CLHC1: variants seen among roughly 807,000 people sequenced by gnomAD.
The protein encoded by CLHC1 is clathrin heavy chain linker domain-containing protein 1.
CLHC1 carries 72 observed loss-of-function variants against 69.5 expected under a neutral mutation model. The ratio of observed to expected loss-of-function variants is 1.04; its 90% CI spans 0.86 to 1.26. The LOEUF is 1.26. CLHC1 is among the 50% of genes most tolerant of loss of function. CLHC1 has a pLI of 0.00. For missense variants in CLHC1, 790 were observed against 679.3 expected, an observed-to-expected ratio of 1.16 and a Z score of -1.81; for synonymous variants, 223 against 224.3, an observed-to-expected ratio of 0.99 and a Z score of 0.05.
intron 9 of CLHC1, among the ~76,000 whole-genome samples, chr2:55,184,976 C>G (rs1670294909): frequency 1.4e-5 from 2 of 145,208 alleles, no homozygotes; most frequent in African/African-American, 5.1e-5. Context: ...ATTTCCTATA[C>G]CTACTATAGA....
chr2:55,221,658 C>T (rs1674129141), intron 3 of CLHC1, among the ~76,000 whole-genome samples: 1 of 152,174 alleles, frequency 6.6e-6, no homozygotes, highest in African/African-American at 2.4e-5. Context: ...TCAGAGGGTA[C>T]ATACAGCCAG....
intron 9 of CLHC1, among the ~76,000 whole-genome samples, chr2:55,201,383 T>C (rs1485469722): frequency 6.6e-6 from 1 of 152,116 alleles, no homozygotes; most frequent in East Asian, 1.9e-4. Flanking sequence ...TAGGTTACTA[T>C]GAGCAACTAT....
chr2:55,227,741 A>G (rs1027203321), intron 2 of CLHC1, among the ~76,000 whole-genome samples: 4 of 152,012 alleles, frequency 2.6e-5, no homozygotes, highest in Non-Finnish European at 4.4e-5. Context: ...ATCATTAGAG[A>G]GGGGGTAGTG....
At position 55,222,397 on chromosome 2, in the gene CLHC1, T is replaced by C. The variant is rs758008783; in HGVS notation, c.15A>G (p.Gln5=). 6.8e-6 allele frequency: 11 copies of C among 1,613,348 alleles called. No homozygotes were observed. The Admixed American group carries it at 1.3e-4, about 20-fold the overall frequency. ...GTGGGAGAACTGCATGTTTTCTTAT[T>C]TGATGAACTGACATATTTGACAATC... The part of the protein sequence containing the change: MSVH[Q]IRKHAVLPPI... The change falls in exon 3 of 13, where the codon CAA becomes CAG. Residue 5 remains glutamine, a synonymous_variant. Transcript: ENST00000401408.
intron 2 of CLHC1, among the ~76,000 whole-genome samples, chr2:55,226,199 A>T (rs1221753001): frequency 2.0e-5 from 3 of 152,044 alleles, no homozygotes; most frequent in African/African-American, 7.2e-5. Flanking sequence ...TTCAAAAAAA[A>T]AAAAAGAGAA....
At position 55,231,752 on chromosome 2, in the gene CLHC1, C is replaced by G. The variant is rs118131313; in HGVS notation, c.-256+471G>C. Among the ~76,000 whole-genome samples the G allele has an allele frequency of 2.2e-3, 336 of 152,318 alleles. 4 individuals carry two copies. In the East Asian group the frequency reaches 0.033, roughly 15 times the overall value. On this transcript the variant is annotated intron_variant, in intron 1 of 12. Transcript: ENST00000401408. ...CATACATACTCCAAAAACTTCCTCT[C>G]AGATCCAAGACTCCCAATGCCCAAA...
chr2:55,216,985 C>T (rs1673581268), intron 4 of CLHC1, among the ~76,000 whole-genome samples: 3 of 150,554 alleles, frequency 2.0e-5, no homozygotes, highest in Admixed American at 6.6e-5. Flanking sequence ...CCAGTCTCTA[C>T]AGAAAATACA....
chr2:55,181,682 T>C lies in CLHC1; in HGVS notation c.1069A>G (p.Thr357Ala), dbSNP rs1295956457. Residue 357 changes from threonine (T) to alanine (A), a missense_variant, in exon 10 of 13, where the codon ACA becomes GCA. By Grantham distance (58) the Thr-to-Ala change is moderately conservative. Transcript: ENST00000401408. ...LLLFFEALFI[T>A]SHAFPCPVDA... ...ACAGGACATGGAAAAGCATGACTTG[T>C]GATAAAGAGGGCCTCAAAAAATAAG... 2 of 1,613,954 alleles carry C rather than the reference T, an allele frequency of 1.2e-6. No homozygotes were observed. The highest frequency in any genetic ancestry group is 1.7e-6 in the Non-Finnish European group (2 of 1,179,912).
chr2:55,175,095 G>A lies in CLHC1; in HGVS notation c.*695C>T, dbSNP rs186424519. On this transcript the variant is annotated 3_prime_UTR_variant, in exon 13 of 13. Transcript: ENST00000401408. The stretch of plus-strand genomic sequence containing the variant: ...ACCTGTCCATGGCACAGAACTTTCA[G>A]AGTTTTCAATCAAATACTTATTCAG... 1.7e-4 allele frequency: 26 copies of A among 149,492 alleles called. No homozygotes were observed. The highest frequency in any genetic ancestry group is 5.4e-4 in the African/African-American group (21 of 38,968). 9.3% of individuals were successfully genotyped at this position (149,492 alleles called of 1,614,324 possible).
At chr2:55,205,730 T>G (rs571914118) in intron 9 of CLHC1, 4 of 152,136 alleles carry the variant, frequency 2.6e-5, no homozygotes, top group Non-Finnish European at 5.9e-5. Context: ...CTGTCTCAAC[T>G]AAAAATACAA....
chr2:55,202,172 C>T (rs1374405723), intron 9 of CLHC1, among the ~76,000 whole-genome samples: 1 of 117,306 alleles, frequency 8.5e-6, no homozygotes, highest in African/African-American at 3.0e-5. Flanking sequence ...AGCAATCAGA[C>T]AAGAAAAAGA....
chr2:55,194,396 T>G (rs902374834), intron 9 of CLHC1, among the ~76,000 whole-genome samples: 5 of 152,134 alleles, frequency 3.3e-5, no homozygotes, highest in Non-Finnish European at 5.9e-5. Flanking sequence ...TACAAGAGAA[T>G]TTCTTCAACC....
chr2:55,177,844 G>T, intron 11 of CLHC1, 63 bp from the exon 12 acceptor site: 1 of 1,242,584 alleles, frequency 8.0e-7, no homozygotes, highest in Non-Finnish European at 1.1e-6. Flanking sequence ...CTAGAAACTA[G>T]GACTAGCTAA....
chr2:55,209,170 GCCT>G (rs1672742616), intron 7 of CLHC1, among the ~76,000 whole-genome samples: 1 of 152,124 alleles, frequency 6.6e-6, no homozygotes, highest in South Asian at 2.1e-4. Flanking sequence ...ACCGTGCCCG[GCCT>G]CCTCTTTATT....
chr2:55,206,240 C>G, intron 9 of CLHC1, 30 bp downstream of exon 9: 1 of 1,263,908 alleles, frequency 7.9e-7, no homozygotes, highest in South Asian at 1.2e-5. Context: ...AATTTTCATA[C>G]ATATATAAGG....
At position 55,177,580 on chromosome 2, in the gene CLHC1, C is replaced by T. The variant is rs753588211; in HGVS notation, c.1564+22G>A. On this transcript the variant is annotated intron_variant, in intron 12 of 12. Coordinates refer to ENST00000401408, the MANE Select transcript of CLHC1 (RefSeq NM_152385.4). ...CTAGATAACCCACTACTATTTCTCC[C>T]ACAACATTTTATTCTACTTACCTAT... 4 of 1,539,602 alleles carry T rather than the reference C, an allele frequency of 2.6e-6. No homozygotes were observed. The South Asian group carries it at 3.7e-5, about 14-fold the overall frequency.
At chr2:55,221,869 C>G (rs1213015008) in intron 3 of CLHC1, among the ~76,000 whole-genome samples, 1 of 152,104 alleles carries the variant, frequency 6.6e-6, no homozygotes, top group Non-Finnish European at 1.5e-5. Flanking sequence ...CCCAGCTATA[C>G]AGGAGGCTGA....
chr2:55,224,592 G>T (rs1168799192), intron 2 of CLHC1: 4 of 258,112 alleles, frequency 1.5e-5, no homozygotes, highest in African/African-American at 6.8e-5. Context: ...CAGCCAAGGG[G>T]GATGAGATGG....
At position 55,223,404 on chromosome 2, in the gene CLHC1, A is replaced by G. The variant is rs369331111; in HGVS notation, c.-82-911T>C. 3.9e-5 allele frequency among the ~76,000 whole-genome samples: 6 copies of G among 152,230 alleles called. No individual in the cohort carries two copies. The East Asian group carries it at 9.7e-4, about 25-fold the overall frequency. ...GCAGCCGCATTATGCCGCTTTCAGTAAAGAATCATGGGCGGCGGCGGCCTG... is the reference window on the plus strand; with the variant it reads ...GCAGCCGCATTATGCCGCTTTCAGTGAAGAATCATGGGCGGCGGCGGCCTG... On this transcript the variant is annotated intron_variant, in intron 2 of 12. Transcript: ENST00000401408.
Sources: allele counts gnomAD v4.1 joint callset (sites outside exome capture counted in the v4.1 genomes callset), GRCh38; gene constraint gnomAD v4.1.1; transcripts MANE v1.5; gene names NCBI Gene and HGNC (gene_info 2026-07-23, HGNC 2026-07-21).